Variants in KIF13A observed in about 807,000 individuals in gnomAD.
KIF13A encodes kinesin family member 13A, also known as kinesin-like protein KIF13A.
Under a neutral mutation model 212.2 loss-of-function variants are expected in KIF13A, and 79 were observed. The observed-to-expected ratio is 0.37, with a 90% CI of 0.31 to 0.45. KIF13A has a LOEUF of 0.45. Among genes scored for constraint, KIF13A ranks in the 20% least tolerant of loss-of-function variants. The probability of loss-of-function intolerance (pLI) is 1.00; values close to 1 mark genes in which losing one functional copy is unlikely to be tolerated. For missense variants in KIF13A, 1,901 were observed against 2,209.0 expected, an observed-to-expected ratio of 0.86 and a Z score of 2.79; for synonymous variants, 789 against 808.6, an observed-to-expected ratio of 0.98 and a Z score of 0.41.
intron 16 of KIF13A, among the ~76,000 whole-genome samples, chr6:17,821,595 T>TGTGTGTGTGTGTGTGTGG (rs1554172130): frequency 2.2e-5 from 1 of 46,284 alleles, no homozygotes; most frequent in African/African-American, 6.6e-5. Context: ...GTGTTGGGGG[T>TGTGTGTGTGTGTGTGTGG]GGGGTGTTCA....
chr6:17,845,062 G>C lies in KIF13A; in HGVS notation c.830+4315C>G, dbSNP rs1766884571. On this transcript the variant is annotated intron_variant, in intron 9 of 38. Transcript: ENST00000259711. The stretch of plus-strand genomic sequence containing the variant: ...ATGGACTCACAGTTCCACGTGGCTG[G>C]GGAGGCCTCACAATCATGACAGAAG... 3.3e-5 allele frequency among the ~76,000 whole-genome samples: 5 copies of C among 152,132 alleles called. No homozygotes were observed. The South Asian group carries it at 1.0e-3, about 32-fold the overall frequency.
At chr6:17,877,057 A>G (rs1387494974) in intron 3 of KIF13A, among the ~76,000 whole-genome samples, 2 of 150,930 alleles carry the variant, frequency 1.3e-5, no homozygotes, top group Admixed American at 6.7e-5. Context: ...TGATGTACTT[A>G]ATGGCATTAA....
At chr6:17,911,697 T>TAAA (rs34367781) in intron 2 of KIF13A, among the ~76,000 whole-genome samples, 1 of 135,178 alleles carries the variant, frequency 7.4e-6, no homozygotes, top group Non-Finnish European at 1.5e-5. Flanking sequence ...GTTAATGGGT[T>TAAA]AAAAAAAAAA....
Position 17,764,168 on chromosome 6 carries a change from A to G in KIF13A, c.5360T>C (p.Leu1787Ser), listed in dbSNP as rs777406906. Reference protein sequence around the residue: ...LHHPSQLHSKLENDQVIIPEA... With the variant: ...LHHPSQLHSKSENDQVIIPEA... ...TGGAATTATTACCTGGTCATTCTCT[A>G]ACTTGGAATGCAGCTGGCTGGGGTG... The change falls in exon 39 of 39, where the codon TTA becomes TCA. Residue 1787 changes from leucine to serine, a missense_variant. Physicochemically the swap from Leu to Ser is moderately radical, Grantham distance 145. Transcript: ENST00000259711. The surrounding 1 kb of genome is among the most constrained non-coding windows in gnomAD (Gnocchi z 5.1). 6.2e-7 allele frequency: 1 copy of G among 1,613,986 alleles called. No individual in the cohort carries two copies. Among genetic ancestry groups the G allele is most frequent in the Non-Finnish European group, 8.5e-7 (1 of 1,179,894 alleles).
At chr6:17,969,972 G>A (rs1322048274) in intron 2 of KIF13A, among the ~76,000 whole-genome samples, 1 of 151,588 alleles carries the variant, frequency 6.6e-6, no homozygotes, top group Non-Finnish European at 1.5e-5. Context: ...ACCCAGGCCG[G>A]AGTGCAGTGG....
chr6:17,823,064 T>C (rs1279650962), intron 16 of KIF13A, among the ~76,000 whole-genome samples: 1 of 151,898 alleles, frequency 6.6e-6, no homozygotes, highest in African/African-American at 2.4e-5. Flanking sequence ...GAGACAGAGT[T>C]TCACTCTTAT....
chr6:17,915,936 C>CAA lies in KIF13A; in HGVS notation c.147-17758_147-17757dup, dbSNP rs1201620976. The stretch of plus-strand genomic sequence containing the variant: ...AGCCTGGGTGACAGAGAGCCAGTCT[C>CAA]AAAAAAAAAAATAAAAATAAAAATA... On this transcript the variant is annotated intron_variant, in intron 2 of 38. Transcript: ENST00000259711. This position sits in a 1 kb window ranked among gnomAD's most constrained non-coding sequence, Gnocchi z 4.4. Among the ~76,000 whole-genome samples, 1 of 126,688 alleles carries CAA rather than the reference C, an allele frequency of 7.9e-6. No homozygotes were observed. Among genetic ancestry groups the CAA allele is most frequent in the Admixed American group, 7.9e-5 (1 of 12,730 alleles). 83.1% of individuals were successfully genotyped at this position (126,688 alleles called of 152,430 possible).
chr6:17,905,615 G>C (rs1457176704), intron 2 of KIF13A, among the ~76,000 whole-genome samples: 1 of 152,142 alleles, frequency 6.6e-6, no homozygotes, highest in African/African-American at 2.4e-5. Context: ...AAAAAGCGGG[G>C]GATTCACTGG....
intron 2 of KIF13A, among the ~76,000 whole-genome samples, chr6:17,939,932 C>A (rs773176168): frequency 6.6e-6 from 1 of 150,860 alleles, no homozygotes. Context: ...GCCAGCTACT[C>A]GGGAGGCTGA....
chr6:17,794,424 C>T lies in KIF13A; in HGVS notation c.3076-29G>A. The T allele has an allele frequency of 1.3e-6, 2 of 1,593,760 alleles. No homozygotes were observed. Among genetic ancestry groups the T allele is most frequent in the Non-Finnish European group, 1.7e-6 (2 of 1,166,918 alleles). ...AAGAGGGTGGGGAGGAGTATGGGTG[C>T]CAGGAATGATAATGAAAAGGAACGG... is the stretch of plus-strand genomic sequence containing the variant. On this transcript the variant is annotated intron_variant, in intron 24 of 38. Transcript: ENST00000259711. The surrounding 1 kb of genome is among the most constrained non-coding windows in gnomAD (Gnocchi z 4.1).
chr6:17,816,988 T>C lies in KIF13A; in HGVS notation c.2000+32A>G. 1 of 1,573,006 alleles carries C rather than the reference T, an allele frequency of 6.4e-7. No homozygotes were observed. The highest frequency in any genetic ancestry group is 8.6e-7 in the Non-Finnish European group (1 of 1,158,554). ...TCAAAGACCCACGGCCTTGGGGCCT[T>C]GACTCTGGGCTGCCCCCGCTGCAGT... On this transcript the variant is annotated intron_variant, in intron 17 of 38. Transcript: ENST00000259711. The surrounding 1 kb of genome is among the most constrained non-coding windows in gnomAD (Gnocchi z 4.3).
intron 2 of KIF13A, among the ~76,000 whole-genome samples, chr6:17,933,832 A>G (rs2150542208): frequency 6.6e-6 from 1 of 152,308 alleles, no homozygotes; most frequent in Middle Eastern, 3.4e-3. Flanking sequence ...GGAAATTTCA[A>G]CTAGTTCGAC....
rs1162131900 is a variant in KIF13A at position 17,785,374 on chromosome 6, T to A, written c.3488+141A>T. 1.2e-5 allele frequency: 11 copies of A among 944,180 alleles called. No individual in the cohort carries two copies. The highest frequency in any genetic ancestry group is 1.6e-5 in the Non-Finnish European group (11 of 671,606). The allele number at this position is 944,180 out of a possible 1,614,324, so 58.5% of individuals were successfully genotyped here. On this transcript the variant is annotated intron_variant, in intron 28 of 38. Transcript: ENST00000259711. This position sits in a 1 kb window ranked among gnomAD's most constrained non-coding sequence, Gnocchi z 5.8. ...GGAAGGAAAAAAAGGGATGGAAGCA[T>A]TAGAGATGAGTGGACATTCCCTAAG...
rs1452447538 is a variant in KIF13A, at chr6:17,828,120, C to A, written c.1532+120G>T. ...CTCTACAATCAGAAAGCAAGGGCCC[C>A]CTGAGGACCCCCATGTATCCTTAAC... On this transcript the variant is annotated intron_variant, in intron 14 of 38. Coordinates refer to ENST00000259711, the MANE Select transcript of KIF13A (RefSeq NM_022113.6). The surrounding 1 kb of genome is among the most constrained non-coding windows in gnomAD (Gnocchi z 4.3). 1 of 919,888 alleles carries A rather than the reference C, an allele frequency of 1.1e-6. No homozygotes were observed. Among genetic ancestry groups the A allele is most frequent in the Non-Finnish European group, 1.6e-6 (1 of 628,820 alleles). The allele number at this position is 919,888 out of a possible 1,614,324, so 57.0% of individuals were successfully genotyped here.
Position 17,897,639 on chromosome 6 carries a change from T to C in KIF13A, c.159+529A>G, listed in dbSNP as rs79295363. The stretch of plus-strand genomic sequence containing the variant: ...GGGCTAGGAACTCCAATGAGGCATA[T>C]AAAGTTGGTAGAATGTTGAATCTCT... On this transcript the variant is annotated intron_variant, in intron 3 of 38. Coordinates refer to ENST00000259711, the MANE Select transcript of KIF13A (RefSeq NM_022113.6). This position sits in a 1 kb window ranked among gnomAD's most constrained non-coding sequence, Gnocchi z 4.8. 0.019 allele frequency among the ~76,000 whole-genome samples: 2,943 copies of C among 152,286 alleles called. 42 individuals carry two copies. The highest frequency in any genetic ancestry group is 0.031 in the Non-Finnish European group (2,092 of 68,018).
At position 17,768,790 on chromosome 6, in the gene KIF13A, G is replaced by A. The variant is rs188037638; in HGVS notation, c.4581+2324C>T. Among the ~76,000 whole-genome samples the A allele has an allele frequency of 1.2e-3, 180 of 152,244 alleles. 1 individual carries two copies. The highest frequency in any genetic ancestry group is 4.1e-3 in the African/African-American group (171 of 41,522). The stretch of plus-strand genomic sequence containing the variant: ...GCAAGACCTAACGGAAAGGTCGTGT[G>A]GATACTGGGAAAAATCACTGACTTT... On this transcript the variant is annotated intron_variant, in intron 38 of 38. Coordinates refer to ENST00000259711, the MANE Select transcript of KIF13A (RefSeq NM_022113.6). The surrounding 1 kb of genome is among the most constrained non-coding windows in gnomAD (Gnocchi z 5.4).
Position 17,963,650 on chromosome 6 carries a change from G to A in KIF13A, c.146+23404C>T, listed in dbSNP as rs1186740495. ...CAGCTTACTGCAACCTCCGCCTCCT[G>A]GGTTCCAACGATTCCCCTGCCTCAG... On this transcript the variant is annotated intron_variant, in intron 2 of 38. Coordinates refer to ENST00000259711, the MANE Select transcript of KIF13A (RefSeq NM_022113.6). The surrounding 1 kb of genome is among the most constrained non-coding windows in gnomAD (Gnocchi z 4.1). 6.6e-6 allele frequency among the ~76,000 whole-genome samples: 1 copy of A among 152,150 alleles called. No individual in the cohort carries two copies. The highest frequency in any genetic ancestry group is 1.5e-5 in the Non-Finnish European group (1 of 68,018).
At chr6:17,923,736 A>G (rs924046753) in intron 2 of KIF13A, among the ~76,000 whole-genome samples, 4 of 152,236 alleles carry the variant, frequency 2.6e-5, no homozygotes, top group African/African-American at 4.8e-5. Flanking sequence ...ATCACATAAA[A>G]GCTTTTTAGC....
At position 17,785,426 on chromosome 6, in the gene KIF13A, G is replaced by A. The variant is rs1484192701; in HGVS notation, c.3488+89C>T. The A allele has an allele frequency of 1.5e-6, 2 of 1,373,104 alleles. No homozygotes were observed. Among genetic ancestry groups the A allele is most frequent in the African/African-American group, 3.0e-5 (2 of 66,196 alleles). 85.1% of individuals were successfully genotyped at this position (1,373,104 alleles called of 1,614,324 possible). The stretch of plus-strand genomic sequence containing the variant: ...AGTTCAGCTGGTTGGCATTTTCTGT[G>A]ACAATCCTGGAAAGTCTCTTGCATG... On this transcript the variant is annotated intron_variant, in intron 28 of 38. Transcript: ENST00000259711. The surrounding 1 kb of genome is among the most constrained non-coding windows in gnomAD (Gnocchi z 5.8).
Sources: allele counts gnomAD v4.1 joint callset (sites outside exome capture counted in the v4.1 genomes callset), GRCh38; gene constraint gnomAD v4.1.1; non-coding constraint Gnocchi (gnomAD v3.1); transcripts MANE v1.5; gene names NCBI Gene and HGNC (gene_info 2026-07-23, HGNC 2026-07-21).